ARMC7: variants seen among roughly 807,000 people sequenced by gnomAD.
ARMC7 encodes the protein armadillo repeat-containing protein 7.
A neutral mutation model predicts 14.8 loss-of-function variants in ARMC7; 9 were observed. That is an observed-to-expected ratio of 0.61 (90% confidence interval 0.37 to 1.06). The LOEUF is 1.06. ARMC7 is among the 50% of genes least tolerant of loss of function. The probability of loss-of-function intolerance (pLI) is 0.01; values close to 1 mark genes in which losing one functional copy is unlikely to be tolerated. For synonymous variants in ARMC7, 125 were observed against 123.4 expected (o/e 1.01, Z -0.09); for missense variants, 262 against 267.1 (o/e 0.98, Z 0.13).
At chr17:75,114,762 T>A (rs2073961524) in intron 2 of ARMC7, 1 of 398,408 alleles carries the variant, frequency 2.5e-6, no homozygotes, top group Non-Finnish European at 4.4e-6. Flanking sequence ...AGTAGCTTTC[T>A]CAGCGTCGAA....
chr17:75,113,712 A>G (rs1056380438), intron 2 of ARMC7, among the ~76,000 whole-genome samples: 1 of 152,168 alleles, frequency 6.6e-6, no homozygotes, highest in African/African-American at 2.4e-5. Context: ...GGTCTCCTCT[A>G]AAGAGGAGAG....
chr17:75,114,049 G>T (rs1531565), intron 2 of ARMC7: 244,786 of 397,916 alleles, frequency 0.62, 80,687 homozygotes, highest in South Asian at 0.77. Context: ...AGCCCCAGTT[G>T]CCCAGGTCCC....
chr17:75,119,446 G>GTT lies in ARMC7; in HGVS notation c.235+8845_235+8846dup, dbSNP rs147340090. On this transcript the variant is annotated intron_variant, in intron 2 of 2. Coordinates refer to ENST00000245543, the MANE Select transcript of ARMC7 (RefSeq NM_024585.4). ...ACTTCTGAAAATACCCTGTGATACA[G>GTT]TTTTTTCTTTTTTTTTTTTTGAGAC... Among the ~76,000 whole-genome samples the GTT allele has an allele frequency of 8.4e-3, 1,012 of 119,998 alleles. 96 individuals carry two copies. The highest frequency in any genetic ancestry group is 0.011 in the Non-Finnish European group (664 of 61,234). The allele number at this position is 119,998 out of a possible 152,430, so 78.7% of individuals were successfully genotyped here. A position where few individuals can be genotyped will look rare whatever the true frequency, so the allele number is the denominator to read the frequency against.
In ARMC7 at chr17:75,128,674, C is replaced by T. The variant is rs1323551785; in HGVS notation, c.236-3C>T. 19 of 1,608,946 alleles carry T rather than the reference C, an allele frequency of 1.2e-5. No homozygotes were observed. The highest frequency in any genetic ancestry group is 3.3e-5 in the South Asian group (3 of 90,624). ...ATCCAGACTCTTCCTTGCTCTCCCA[C>T]AGGAGGCCTGTGCAACCTGTGCCCA... On this transcript the variant is annotated splice_region_variant and splice_polypyrimidine_tract_variant and intron_variant, in intron 2 of 2. Transcript: ENST00000245543.
At chr17:75,126,179 G>A (rs190448778) in intron 2 of ARMC7, among the ~76,000 whole-genome samples, 62 of 152,310 alleles carry the variant, frequency 4.1e-4, no homozygotes, top group African/African-American at 1.4e-3. Context: ...GAGGGGTACC[G>A]TGATGACAGG....
intron 2 of ARMC7, among the ~76,000 whole-genome samples, chr17:75,122,971 CCTT>C (rs972330112): frequency 2.6e-5 from 4 of 151,488 alleles, no homozygotes; most frequent in Non-Finnish European, 4.4e-5. Context: ...AATCTGGTGT[CCTT>C]CTTCCCTCCT....
At chr17:75,126,848 G>C (rs976695900) in intron 2 of ARMC7, among the ~76,000 whole-genome samples, 22 of 152,092 alleles carry the variant, frequency 1.4e-4, no homozygotes, top group South Asian at 8.3e-4. Context: ...AACACCTGAG[G>C]TCAGGAGTTC....
rs375152339 is a variant in ARMC7, at chr17:75,120,769, G to T, written c.236-7908G>T. Among the ~76,000 whole-genome samples the T allele has an allele frequency of 1.5e-3, 218 of 141,814 alleles. 3 individuals are homozygous for T. The South Asian group carries it at 0.024, about 16-fold the overall frequency. The allele number at this position is 141,814 out of a possible 152,430, so 93.0% of individuals were successfully genotyped here. ...GCGGAGATTGCAGTGAGCTGAGATCGCACCACTGCACTCCAGCCTGGGCGA... is the reference window on the plus strand; with the variant it reads ...GCGGAGATTGCAGTGAGCTGAGATCTCACCACTGCACTCCAGCCTGGGCGA... On this transcript the variant is annotated intron_variant, in intron 2 of 2. Transcript: ENST00000245543.
intron 2 of ARMC7, 78 bp downstream of exon 2, chr17:75,110,684 C>CG: frequency 6.4e-7 from 1 of 1,561,448 alleles, no homozygotes; most frequent in Non-Finnish European, 8.7e-7. Flanking sequence ...TCCTTGGGGC[C>CG]GGGCGTGGTG....
At chr17:75,110,723 G>A (rs2073912348) in intron 2 of ARMC7, 117 bp downstream of exon 2, 1 of 1,390,714 alleles carries the variant, frequency 7.2e-7, no homozygotes, top group South Asian at 1.3e-5. Flanking sequence ...AGCAGTTTGG[G>A]AAGCTAAGGC....
chr17:75,121,489 C>T (rs1229629500), intron 2 of ARMC7, among the ~76,000 whole-genome samples: 1 of 152,160 alleles, frequency 6.6e-6, no homozygotes, highest in East Asian at 1.9e-4. Flanking sequence ...TCTCGTCTTG[C>T]TGCAACCTCC....
intron 2 of ARMC7, chr17:75,114,292 G>A: frequency 2.5e-6 from 1 of 400,906 alleles, no homozygotes; most frequent in Non-Finnish European, 4.4e-6. Flanking sequence ...GGAAGTCACA[G>A]AGCAGTCCCC....
rs533128671 is a variant in ARMC7, at chr17:75,115,065, G to A, written c.235+4459G>A. ...GAGCCAGCCTTACTTCTGTCTGCAT[G>A]GTTTGAGTGCTTAGGCCTTTTGGCC... On this transcript the variant is annotated intron_variant, in intron 2 of 2. Transcript: ENST00000245543. 4.1e-4 allele frequency among the ~76,000 whole-genome samples: 63 copies of A among 152,258 alleles called. 2 individuals carry two copies. The South Asian group carries it at 0.011, about 27-fold the overall frequency.
At chr17:75,125,321 C>T (rs1230079540) in intron 2 of ARMC7, among the ~76,000 whole-genome samples, 2 of 152,140 alleles carry the variant, frequency 1.3e-5, no homozygotes, top group Non-Finnish European at 2.9e-5. Flanking sequence ...AGCACCTAGT[C>T]GGGTATCCCA....
chr17:75,128,637 C>T (rs991828654), intron 2 of ARMC7, 40 bp from the exon 3 acceptor site: 17 of 1,573,146 alleles, frequency 1.1e-5, no homozygotes, highest in South Asian at 8.3e-5. Flanking sequence ...GGAGGAGGCC[C>T]GGGGCTACAG....
chr17:75,128,708 C>G lies in ARMC7; in HGVS notation c.267C>G (p.Ala89=). 6.2e-7 allele frequency: 1 copy of G among 1,613,444 alleles called. No homozygotes were observed. Among genetic ancestry groups the G allele is most frequent in the Non-Finnish European group, 8.5e-7 (1 of 1,179,890 alleles). The change falls in exon 3 of 3, where the codon GCC becomes GCG. Residue 89 remains alanine (A), a synonymous_variant. Transcript: ENST00000245543. Reference sequence around the variant, plus strand: ...TGTGCAACCTGTGCCCAGACAGGGCCAACAAGGAGCACATCCTGCACGCAG... The same window carrying G: ...TGTGCAACCTGTGCCCAGACAGGGCGAACAAGGAGCACATCCTGCACGCAG... The part of the protein sequence containing the change: ...GGLCNLCPDR[A]NKEHILHAGG...
At chr17:75,111,584 A>T (rs2073923278) in intron 2 of ARMC7, among the ~76,000 whole-genome samples, 1 of 121,578 alleles carries the variant, frequency 8.2e-6, no homozygotes, top group Non-Finnish European at 1.7e-5. Context: ...TCTCTGCTTT[A>T]AAAAAAAAAA....
intron 2 of ARMC7, among the ~76,000 whole-genome samples, chr17:75,116,943 T>C (rs1369425259): frequency 1.3e-5 from 2 of 152,150 alleles, no homozygotes; most frequent in African/African-American, 2.4e-5. Flanking sequence ...GTCTGCTCTT[T>C]GGCCCAGCAC....
At chr17:75,127,197 G>T (rs893837479) in intron 2 of ARMC7, among the ~76,000 whole-genome samples, 3 of 152,140 alleles carry the variant, frequency 2.0e-5, no homozygotes, top group Non-Finnish European at 4.4e-5. Context: ...AACATAGGGA[G>T]ATCCCACCCC....
Sources: gnomAD v4.1 joint callset for allele counts (sites outside exome capture counted in the v4.1 genomes callset) on GRCh38, gnomAD v4.1.1 for gene constraint, MANE v1.5 for transcripts, NCBI Gene and HGNC (gene_info 2026-07-23, HGNC 2026-07-21) for gene names.